EFHC2: variants seen among roughly 807,000 people sequenced by gnomAD.
EFHC2 encodes the protein EF-hand domain-containing family member C2.
Under a neutral mutation model 52.7 loss-of-function variants are expected in EFHC2, and 18 were observed. That is an observed-to-expected ratio of 0.34 (90% CI 0.24 to 0.51). The LOEUF (loss-of-function observed/expected upper bound fraction) is 0.51, where lower values mean the gene tolerates loss of function less well. EFHC2 is among the 20% of genes least tolerant of loss of function. The probability of loss-of-function intolerance (pLI) is 0.97; values close to 1 mark genes in which losing one functional copy is unlikely to be tolerated. For synonymous variants in EFHC2, 203 were observed against 204.1 expected, an observed-to-expected ratio of 0.99 and a Z score of 0.04; for missense variants, 513 against 562.5, an observed-to-expected ratio of 0.91 and a Z score of 0.89.
At chrX:44,331,436 C>T (rs1569310242) in intron 1 of EFHC2, among the ~76,000 whole-genome samples, 1 of 111,515 alleles carries the variant, frequency 9.0e-6, no homozygotes, top group East Asian at 2.8e-4. Flanking sequence ...CATGAGGAAT[C>T]CCTGTGGTGA....
At chrX:44,207,742 G>C (rs2147300279) in intron 11 of EFHC2, among the ~76,000 whole-genome samples, 1 of 111,916 alleles carries the variant, frequency 8.9e-6, no homozygotes, top group South Asian at 3.7e-4. Flanking sequence ...GATAATATTT[G>C]CAAACTATGA....
intron 1 of EFHC2, among the ~76,000 whole-genome samples, chrX:44,323,455 T>C (rs1053573807): frequency 1.2e-4 from 13 of 111,854 alleles, no homozygotes; most frequent in Non-Finnish European, 2.1e-4. Flanking sequence ...AGAATTTGAG[T>C]CTTAAAGTGA....
chrX:44,240,879 C>CT (rs1429479735), intron 8 of EFHC2, among the ~76,000 whole-genome samples: 2 of 111,512 alleles, frequency 1.8e-5, no homozygotes, highest in Non-Finnish European at 3.8e-5. Context: ...AAATAGAACC[C>CT]TAAAATCCTT....
At chrX:44,184,941 T>C (rs1262183731) in intron 11 of EFHC2, among the ~76,000 whole-genome samples, 1 of 111,463 alleles carries the variant, frequency 9.0e-6, no homozygotes, top group African/African-American at 3.3e-5. Context: ...GTTGAATCTG[T>C]GACACCTTAA....
chrX:44,260,317 A>G (rs1431989675), intron 4 of EFHC2, among the ~76,000 whole-genome samples: 1 of 111,732 alleles, frequency 8.9e-6, no homozygotes, highest in Non-Finnish European at 1.9e-5. Context: ...AGTGACAATG[A>G]TGGAAATCAG....
chrX:44,149,710 G>A (rs1432101343), intron 14 of EFHC2, among the ~76,000 whole-genome samples: 7 of 110,924 alleles, frequency 6.3e-5, no homozygotes, highest in South Asian at 3.8e-4. Context: ...GACGGGTTTC[G>A]CCATATAGGC....
At chrX:44,230,660 A>G (rs1417415870) in intron 10 of EFHC2, among the ~76,000 whole-genome samples, 1 of 111,160 alleles carries the variant, frequency 9.0e-6, no homozygotes, top group Non-Finnish European at 1.9e-5. Flanking sequence ...TGCAGTTTTG[A>G]CTTGGGATGC....
At chrX:44,222,144 T>C (rs956128503) in intron 11 of EFHC2, among the ~76,000 whole-genome samples, 18 of 111,673 alleles carry the variant, frequency 1.6e-4, no homozygotes, top group Non-Finnish European at 2.8e-4. Flanking sequence ...TGGAATTTTA[T>C]GTCTGGGAGG....
At chrX:44,300,937 C>T (rs1301753328) in intron 2 of EFHC2, among the ~76,000 whole-genome samples, 1 of 108,008 alleles carries the variant, frequency 9.3e-6, no homozygotes, top group Non-Finnish European at 1.9e-5. Flanking sequence ...AGTGAAACCC[C>T]ATCTACACTA....
intron 4 of EFHC2, among the ~76,000 whole-genome samples, chrX:44,253,434 G>C (rs867984198): frequency 2.7e-5 from 3 of 111,007 alleles, no homozygotes; most frequent in African/African-American, 9.8e-5. Flanking sequence ...GAGCTTGGTG[G>C]GGGGAGGGGC....
intron 14 of EFHC2, 110 bp from the exon 15 acceptor site, chrX:44,149,006 G>T: frequency 1.6e-6 from 1 of 628,720 alleles, no homozygotes; most frequent in Non-Finnish European, 2.5e-6. Context: ...TCTACTTTAG[G>T]TTCATAAGGA....
intron 11 of EFHC2, among the ~76,000 whole-genome samples, chrX:44,228,764 C>T (rs1249277147): frequency 9.0e-6 from 1 of 111,226 alleles, no homozygotes; most frequent in Non-Finnish European, 1.9e-5. Flanking sequence ...GTTGGAAAGA[C>T]CTCCCTGCTA....
chrX:44,204,234 CAAA>C (rs61512189), intron 11 of EFHC2, among the ~76,000 whole-genome samples: 5 of 55,463 alleles, frequency 9.0e-5, no homozygotes, highest in East Asian at 6.3e-4. Context: ...GTAGCAAACC[CAAA>C]AAAAAAAAAA....
intron 1 of EFHC2, among the ~76,000 whole-genome samples, chrX:44,323,810 T>C (rs994984186): frequency 7.2e-5 from 8 of 110,723 alleles, no homozygotes; most frequent in African/African-American, 2.6e-4. Flanking sequence ...TCAAAAGAGG[T>C]ATGCCTGAAA....
At chrX:44,286,866 A>C (rs1457869179) in intron 2 of EFHC2, among the ~76,000 whole-genome samples, 1 of 104,313 alleles carries the variant, frequency 9.6e-6, no homozygotes, top group African/African-American at 3.5e-5. Context: ...AAAAATAAAA[A>C]CAACAAAACA....
At chrX:44,317,533 C>T (rs1423100850) in intron 1 of EFHC2, among the ~76,000 whole-genome samples, 1 of 112,921 alleles carries the variant, frequency 8.9e-6, no homozygotes, top group African/African-American at 3.2e-5. Flanking sequence ...CACCTGTAAT[C>T]TCAATACTTT....
chrX:44,338,917 G>A (rs916285183), intron 1 of EFHC2, among the ~76,000 whole-genome samples: 1 of 111,820 alleles, frequency 8.9e-6, no homozygotes, highest in Non-Finnish European at 1.9e-5. Context: ...GCGGCCAGGC[G>A]CGGTGGCTCA....
chrX:44,225,967 G>C (rs1284664595), intron 11 of EFHC2, among the ~76,000 whole-genome samples: 1 of 112,149 alleles, frequency 8.9e-6, no homozygotes, highest in South Asian at 3.8e-4. Context: ...CACTTGGCAG[G>C]AGCTGATGTG....
chrX:44,280,030 T>TACACAC (rs766337222), intron 2 of EFHC2, among the ~76,000 whole-genome samples: 2,343 of 66,768 alleles, frequency 0.035, 155 homozygotes, highest in African/African-American at 0.13. Context: ...CCATCCCCCA[T>TACACAC]ACACACACAC....
Sources: gnomAD v4.1 joint callset for allele counts (sites outside exome capture counted in the v4.1 genomes callset) on GRCh38, gnomAD v4.1.1 for gene constraint, MANE v1.5 for transcripts, NCBI Gene and HGNC (gene_info 2026-07-23, HGNC 2026-07-21) for gene names.